LRRN3: variants seen among roughly 807,000 people sequenced by gnomAD.
LRRN3 encodes leucine-rich repeat neuronal protein 3.
Under a neutral mutation model 40.1 loss-of-function variants are expected in LRRN3, and 15 were observed. That is an observed-to-expected ratio of 0.37 (90% confidence interval 0.25 to 0.58). The LOEUF is 0.58. Among genes scored for constraint, LRRN3 ranks in the 20% least tolerant of loss-of-function variants. The probability of loss-of-function intolerance (pLI) is 0.72; values close to 1 mark genes in which losing one functional copy is unlikely to be tolerated. For missense variants in LRRN3, 746 were observed against 837.7 expected (o/e 0.89, Z 1.35); for synonymous variants, 308 against 297.2 (o/e 1.04, Z -0.37).
intron 2 of LRRN3, among the ~76,000 whole-genome samples, chr7:111,115,530 G>T (rs1799779733): frequency 6.6e-6 from 1 of 151,910 alleles, no homozygotes; most frequent in East Asian, 1.9e-4. Context: ...CTCTGTAAAA[G>T]AAAATTATAA....
chr7:111,109,121 C>T (rs964851624), intron 2 of LRRN3, among the ~76,000 whole-genome samples: 1 of 151,920 alleles, frequency 6.6e-6, no homozygotes. Flanking sequence ...TAAGGTGGTC[C>T]GTAAATAAGG....
rs1035980047 is a variant in LRRN3 at position 111,123,356 on chromosome 7, T to C, written c.584T>C (p.Ile195Thr). ...CTTCCAAATCTAGAGATTCTGATGA[T>C]TGGGGAAAATCCAATTATCAGAATC... The part of the protein sequence containing the change: ...DALPNLEILM[I>T]GENPIIRIKD... Residue 195 changes from isoleucine to threonine, a missense_variant, in exon 3 of 3, where the codon ATT becomes ACT. Physicochemically the swap from Ile to Thr is moderately conservative, Grantham distance 89. Coordinates refer to ENST00000308478, the MANE Select transcript of LRRN3 (RefSeq NM_001099658.2). The surrounding 1 kb of genome is among the most constrained non-coding windows in gnomAD (Gnocchi z 6.4). 3 of 1,613,844 alleles carry C rather than the reference T, an allele frequency of 1.9e-6. No homozygotes were observed. The highest frequency in any genetic ancestry group is 2.5e-6 in the Non-Finnish European group (3 of 1,179,928).
At position 111,123,439 on chromosome 7, in the gene LRRN3, A is replaced by C; in HGVS notation, c.667A>C (p.Asn223His). 1 of 1,613,546 alleles carries C rather than the reference A, an allele frequency of 6.2e-7. No individual in the cohort carries two copies. The highest frequency in any genetic ancestry group is 8.5e-7 in the Non-Finnish European group (1 of 1,179,834). ...NLRSLVIAGI[N>H]LTEIPDNALV... ...TCGCAGCCTGGTTATAGCTGGTATA[A>C]ACCTCACAGAAATACCAGATAACGC... Residue 223 changes from asparagine (N) to histidine (H), a missense_variant, in exon 3 of 3, where the codon AAC becomes CAC. Coordinates refer to ENST00000308478, the MANE Select transcript of LRRN3 (RefSeq NM_001099658.2). The surrounding 1 kb of genome is among the most constrained non-coding windows in gnomAD (Gnocchi z 6.4).
At chr7:111,110,190 G>A (rs1339206024) in intron 2 of LRRN3, among the ~76,000 whole-genome samples, 1 of 152,072 alleles carries the variant, frequency 6.6e-6, no homozygotes, top group Admixed American at 6.6e-5. Flanking sequence ...GATAAGTAAA[G>A]CATCAAAGAT....
chr7:111,100,340 C>T (rs1317325319), intron 2 of LRRN3, among the ~76,000 whole-genome samples: 1 of 150,380 alleles, frequency 6.6e-6, no homozygotes, highest in Non-Finnish European at 1.5e-5. Context: ...CATCTAACAA[C>T]AGGCTCTTTC....
At position 111,124,368 on chromosome 7, in the gene LRRN3, T is replaced by A; in HGVS notation, c.1596T>A (p.Ile532=). The stretch of plus-strand genomic sequence containing the variant: ...CTTTGAATATTAAAATAAGAGATAT[T>A]CAGGCCAATTCAGTTTTGGTGTCCT... ...NGSLNIKIRD[I]QANSVLVSWK... Residue 532 remains isoleucine, a synonymous_variant, in exon 3 of 3, where the codon ATT becomes ATA. Transcript: ENST00000308478. 1 of 1,613,724 alleles carries A rather than the reference T, an allele frequency of 6.2e-7. No individual in the cohort carries two copies. Among genetic ancestry groups the A allele is most frequent in the Non-Finnish European group, 8.5e-7 (1 of 1,179,952 alleles).
intron 1 of LRRN3, among the ~76,000 whole-genome samples, chr7:111,096,341 T>C (rs1797393085): frequency 6.6e-6 from 1 of 151,804 alleles, no homozygotes; most frequent in African/African-American, 2.4e-5. Context: ...TTTCTGAAGT[T>C]AGTAATAAAT....
rs776069117 is a variant in LRRN3 at position 111,123,017 on chromosome 7, C to T, written c.245C>T (p.Ala82Val). The T allele has an allele frequency of 1.1e-5, 17 of 1,613,844 alleles. No homozygotes were observed. Among genetic ancestry groups the T allele is most frequent in the Non-Finnish European group, 1.4e-5 (16 of 1,179,904 alleles). ...QILLLQTNNI[A>V]KIEYSTDFPV... Reference sequence around the variant, plus strand: ...CTTCTCCTACAGACTAACAATATTGCAAAAATTGAATACTCCACAGACTTT... The same window carrying T: ...CTTCTCCTACAGACTAACAATATTGTAAAAATTGAATACTCCACAGACTTT... Residue 82 changes from alanine (A) to valine (V), a missense_variant, in exon 3 of 3, where the codon GCA becomes GTA. Physicochemically the swap from Ala to Val is moderately conservative, Grantham distance 64 (BLOSUM62 0). Coordinates refer to ENST00000308478, the MANE Select transcript of LRRN3 (RefSeq NM_001099658.2). The surrounding 1 kb of genome is among the most constrained non-coding windows in gnomAD (Gnocchi z 6.4).
In LRRN3 at chr7:111,110,984, C is replaced by T. The variant is rs141093750; in HGVS notation, c.-359+11022C>T. 5.3e-5 allele frequency among the ~76,000 whole-genome samples: 8 copies of T among 152,190 alleles called. No homozygotes were observed. In the East Asian group the frequency reaches 1.5e-3, roughly 29 times the overall value. ...ATCCTAACCTGTGAAGCTGCTATAA[C>T]ATAATATAAAACCATTTGCTTTTCT... is the stretch of plus-strand genomic sequence containing the variant. On this transcript the variant is annotated intron_variant, in intron 2 of 2. Coordinates refer to ENST00000308478, the MANE Select transcript of LRRN3 (RefSeq NM_001099658.2).
intron 2 of LRRN3, among the ~76,000 whole-genome samples, chr7:111,102,887 AT>A (rs935401441): frequency 5.3e-5 from 8 of 151,452 alleles, no homozygotes; most frequent in Middle Eastern, 3.2e-3. Context: ...TTGTAAACTT[AT>A]TTTTTTAAAC....
In LRRN3 at chr7:111,124,996, A is replaced by G; in HGVS notation, c.*97A>G. ...ACAAAACAAAACAAACAAACAAACA[A>G]AAAAGTAAAAAAAGATTACTTTCGA... On this transcript the variant is annotated 3_prime_UTR_variant, in exon 3 of 3. Coordinates refer to ENST00000308478, the MANE Select transcript of LRRN3 (RefSeq NM_001099658.2). The G allele has an allele frequency of 1.2e-6, 1 of 868,282 alleles. No individual in the cohort carries two copies. Among genetic ancestry groups the G allele is most frequent in the East Asian group, 2.7e-5 (1 of 36,438 alleles). 53.8% of individuals were successfully genotyped at this position (868,282 alleles called of 1,614,324 possible). A position where few individuals can be genotyped will look rare whatever the true frequency, so the allele number is the denominator to read the frequency against.
At chr7:111,095,443 A>T (rs1426279151) in intron 1 of LRRN3, among the ~76,000 whole-genome samples, 1 of 152,016 alleles carries the variant, frequency 6.6e-6, no homozygotes, top group Admixed American at 6.6e-5. Context: ...ATTCACAGAT[A>T]TGTACAAAAA....
intron 2 of LRRN3, among the ~76,000 whole-genome samples, chr7:111,102,682 C>T (rs777275063): frequency 3.3e-5 from 5 of 151,488 alleles, no homozygotes; most frequent in Admixed American, 6.6e-5. Context: ...TTTGAAGTTT[C>T]ATACCTATCT....
intron 1 of LRRN3, among the ~76,000 whole-genome samples, chr7:111,096,636 G>T (rs981918296): frequency 6.6e-6 from 1 of 151,676 alleles, no homozygotes; most frequent in African/African-American, 2.4e-5. Context: ...CAGACACTTG[G>T]CAAAGGTCTC....
chr7:111,097,152 C>T (rs185133479), intron 1 of LRRN3: 68 of 151,948 alleles, frequency 4.5e-4, no homozygotes, highest in African/African-American at 1.6e-3. Flanking sequence ...CAATAGGCAA[C>T]ATTCTCTATT....
In LRRN3 at chr7:111,123,524, T is replaced by A; in HGVS notation, c.752T>A (p.Val251Glu). ...TTTTACGATAACAGGCTTATTAAAG[T>A]ACCCCATGTTGCTCTTCAAAAAGTT... ...ISFYDNRLIKVPHVALQKVVN... is the reference protein window; with the variant it reads ...ISFYDNRLIKEPHVALQKVVN... Residue 251 changes from valine (V) to glutamate (E), a missense_variant, in exon 3 of 3, where the codon GTA becomes GAA. Transcript: ENST00000308478. The surrounding 1 kb of genome is among the most constrained non-coding windows in gnomAD (Gnocchi z 6.4). 1 of 1,613,912 alleles carries A rather than the reference T, an allele frequency of 6.2e-7. No individual in the cohort carries two copies. Among genetic ancestry groups the A allele is most frequent in the Non-Finnish European group, 8.5e-7 (1 of 1,179,928 alleles).
chr7:111,121,188 CT>C (rs1021714465), intron 2 of LRRN3, among the ~76,000 whole-genome samples: 30 of 152,260 alleles, frequency 2.0e-4, no homozygotes, highest in African/African-American at 7.2e-4. Flanking sequence ...CCTTCGCCCA[CT>C]TTTTGATGGG....
Position 111,123,167 on chromosome 7 carries a change from C to A in LRRN3, c.395C>A (p.Pro132His), listed in dbSNP as rs1343750002. 1.9e-5 allele frequency: 31 copies of A among 1,613,864 alleles called. No individual in the cohort carries two copies. Among genetic ancestry groups the A allele is most frequent in the Non-Finnish European group, 2.5e-5 (30 of 1,179,988 alleles). The change falls in exon 3 of 3, where the codon CCT becomes CAT. Residue 132 changes from proline (P) to histidine (H), a missense_variant. Pro to His is a moderately conservative substitution (Grantham distance 77). Coordinates refer to ENST00000308478, the MANE Select transcript of LRRN3 (RefSeq NM_001099658.2). The surrounding 1 kb of genome is among the most constrained non-coding windows in gnomAD (Gnocchi z 6.4). ...YLEENKLTEL[P>H]EKCLSELSNL... ...GAGGAAAACAAACTTACTGAACTGCCTGAAAAATGTCTGTCCGAACTGAGC... is the reference window on the plus strand; with the variant it reads ...GAGGAAAACAAACTTACTGAACTGCATGAAAAATGTCTGTCCGAACTGAGC...
In LRRN3 at chr7:111,114,463, C is replaced by T. The variant is rs531530129; in HGVS notation, c.-358-7952C>T. Among the ~76,000 whole-genome samples the T allele has an allele frequency of 3.9e-5, 6 of 152,140 alleles. No homozygotes were observed. In the East Asian group the frequency reaches 1.2e-3, roughly 29 times the overall value. On this transcript the variant is annotated intron_variant, in intron 2 of 2. Transcript: ENST00000308478. ...TGCACAAAGAAATATATTGGCTGGG[C>T]ACAGTGACCCACACCTGTAATCCCA...
Sources: allele counts gnomAD v4.1 joint callset (sites outside exome capture counted in the v4.1 genomes callset), GRCh38; gene constraint gnomAD v4.1.1; non-coding constraint Gnocchi (gnomAD v3.1); transcripts MANE v1.5; gene names NCBI Gene and HGNC (gene_info 2026-07-23, HGNC 2026-07-21).